Variants in POU6F2 observed in about 807,000 individuals in gnomAD.
POU6F2 encodes the protein POU domain, class 6, transcription factor 2.
Under a neutral mutation model 71.3 loss-of-function variants are expected in POU6F2, and 31 were observed. The observed-to-expected ratio is 0.43, with a 90% CI of 0.33 to 0.59. The LOEUF is 0.59. Among genes scored for constraint, POU6F2 ranks in the 20% least tolerant of loss-of-function variants. The probability of loss-of-function intolerance (pLI) is 0.04; values close to 1 mark genes in which losing one functional copy is unlikely to be tolerated. For synonymous variants in POU6F2, 347 were observed against 355.7 expected (o/e 0.98, Z 0.27); for missense variants, 783 against 856.8 (o/e 0.91, Z 1.07).
At chr7:39,186,704 T>A (rs905734612) in intron 2 of POU6F2, among the ~76,000 whole-genome samples, 3 of 152,210 alleles carry the variant, frequency 2.0e-5, no homozygotes, top group African/African-American at 7.2e-5. Flanking sequence ...CTGAGCTCTA[T>A]GTCCCTTGTC....
At chr7:39,306,677 T>TAGCTGCTGGCATCACTATACTACTAA (rs1785054105) in intron 4 of POU6F2, among the ~76,000 whole-genome samples, 2 of 152,160 alleles carry the variant, frequency 1.3e-5, no homozygotes, top group African/African-American at 4.8e-5. Context: ...CTAGCTAAAT[T>TAGCTGCTGGCATCACTATACTACTAA]CAGAAAAAGT....
At chr7:39,419,111 ACG>A (rs1478456491) in intron 6 of POU6F2, among the ~76,000 whole-genome samples, 10 of 73,094 alleles carry the variant, frequency 1.4e-4, no homozygotes, top group African/African-American at 3.4e-4. Flanking sequence ...ACACATATAT[ACG>A]TATATATGTG....
intron 2 of POU6F2, among the ~76,000 whole-genome samples, chr7:39,147,077 TA>T (rs1467590129): frequency 2.0e-5 from 3 of 152,222 alleles, no homozygotes; most frequent in African/African-American, 7.2e-5. Flanking sequence ...GAATGTGTAT[TA>T]AAACATTATA....
intron 4 of POU6F2, among the ~76,000 whole-genome samples, chr7:39,309,471 T>C (rs1785115588): frequency 6.6e-6 from 1 of 152,182 alleles, no homozygotes; most frequent in African/African-American, 2.4e-5. Context: ...TGGCAATGGC[T>C]CCTGGCTGGG....
At chr7:39,284,287 G>A (rs1456756125) in intron 4 of POU6F2, among the ~76,000 whole-genome samples, 2 of 152,160 alleles carry the variant, frequency 1.3e-5, no homozygotes, top group Non-Finnish European at 2.9e-5. Flanking sequence ...TTCACAGTAG[G>A]GAGCAAATTT....
intron 8 of POU6F2, among the ~76,000 whole-genome samples, chr7:39,454,655 GATATATATATATATATATATAT>G (rs70977474): frequency 0.014 from 890 of 63,242 alleles, 66 homozygotes; most frequent in Non-Finnish European, 0.02. Flanking sequence ...GAAGACCAGG[GATATATATATATATATATATAT>G]ATATATATAT....
At chr7:39,057,068 C>T (rs571498401) in intron 1 of POU6F2, among the ~76,000 whole-genome samples, 6 of 152,128 alleles carry the variant, frequency 3.9e-5, no homozygotes, top group South Asian at 2.1e-4. Context: ...GAGAAGGGTG[C>T]GTTGGTAGTA....
intron 5 of POU6F2, among the ~76,000 whole-genome samples, chr7:39,399,674 C>T (rs1274743180): frequency 6.6e-6 from 1 of 151,942 alleles, no homozygotes; most frequent in Non-Finnish European, 1.5e-5. Context: ...GGCAATGCAG[C>T]AAGACCCTAT....
chr7:39,226,972 C>A (rs1794472435), intron 4 of POU6F2, among the ~76,000 whole-genome samples: 1 of 152,122 alleles, frequency 6.6e-6, no homozygotes, highest in South Asian at 2.1e-4. Flanking sequence ...TGAAATATAT[C>A]ACTTCTAAAT....
At chr7:39,124,198 C>T (rs1309103791) in intron 2 of POU6F2, among the ~76,000 whole-genome samples, 5 of 152,090 alleles carry the variant, frequency 3.3e-5, no homozygotes, top group African/African-American at 4.8e-5. Context: ...AGGCGTGCAC[C>T]ACCACACCCG....
At chr7:38,978,655 C>G (rs1788239501) in intron 1 of POU6F2, among the ~76,000 whole-genome samples, 1 of 152,162 alleles carries the variant, frequency 6.6e-6, no homozygotes, top group Non-Finnish European at 1.5e-5. Context: ...TTGAAAGGTC[C>G]AGGTGGTCTG....
chr7:39,093,118 C>A (rs1163866028), intron 2 of POU6F2, among the ~76,000 whole-genome samples: 2 of 152,000 alleles, frequency 1.3e-5, no homozygotes, highest in African/African-American at 4.8e-5. Flanking sequence ...TTATATGTAA[C>A]AAGAATATAT....
intron 4 of POU6F2, among the ~76,000 whole-genome samples, chr7:39,330,748 G>A (rs1312129118): frequency 6.6e-6 from 1 of 152,128 alleles, no homozygotes; most frequent in Admixed American, 6.5e-5. Flanking sequence ...GTTACCATTT[G>A]ATATTTCCAT....
chr7:39,014,955 G>C (rs1321386825), intron 1 of POU6F2, among the ~76,000 whole-genome samples: 1 of 151,998 alleles, frequency 6.6e-6, no homozygotes, highest in African/African-American at 2.4e-5. Context: ...ATTAGTTGGA[G>C]ACAAGAGCCT....
At chr7:39,293,086 C>G (rs1169183598) in intron 4 of POU6F2, among the ~76,000 whole-genome samples, 5 of 152,168 alleles carry the variant, frequency 3.3e-5, no homozygotes, top group African/African-American at 1.2e-4. Context: ...TGACACCTTT[C>G]TCGGTAAGCA....
intron 4 of POU6F2, among the ~76,000 whole-genome samples, chr7:39,294,672 A>T (rs966568122): frequency 2.6e-5 from 4 of 152,074 alleles, no homozygotes; most frequent in Non-Finnish European, 5.9e-5. Context: ...ACCCTGATTC[A>T]TTCTAGAGCT....
intron 4 of POU6F2, among the ~76,000 whole-genome samples, chr7:39,318,461 A>G (rs952389172): frequency 6.6e-6 from 1 of 152,208 alleles, no homozygotes. Flanking sequence ...TGAACACTGA[A>G]TGAACATTTC....
At chr7:39,237,279 C>T (rs1029285213) in intron 4 of POU6F2, among the ~76,000 whole-genome samples, 5 of 152,146 alleles carry the variant, frequency 3.3e-5, no homozygotes, top group African/African-American at 1.2e-4. Context: ...GCTGGGCCTA[C>T]CTAATTTCAG....
At chr7:39,182,697 A>G (rs1438124539) in intron 2 of POU6F2, among the ~76,000 whole-genome samples, 4 of 151,900 alleles carry the variant, frequency 2.6e-5, no homozygotes, top group Admixed American at 2.0e-4. Flanking sequence ...GCAATTGTAA[A>G]CCATTGTATT....
Sources: gnomAD v4.1 joint callset for allele counts (sites outside exome capture counted in the v4.1 genomes callset) on GRCh38, gnomAD v4.1.1 for gene constraint, MANE v1.5 for transcripts, NCBI Gene and HGNC (gene_info 2026-07-23, HGNC 2026-07-21) for gene names.